NCAPD2: variants seen among roughly 807,000 people sequenced by gnomAD.
NCAPD2 encodes the protein condensin complex subunit 1.
Under a neutral mutation model 164.5 loss-of-function variants are expected in NCAPD2, and 100 were observed. The observed-to-expected ratio is 0.61, with a 90% CI of 0.52 to 0.72. NCAPD2 has a LOEUF of 0.72. Ranked by LOEUF, NCAPD2 falls within the 30% of genes least tolerant of loss-of-function variation. The probability of loss-of-function intolerance (pLI) is 0.00; values close to 1 mark genes in which losing one functional copy is unlikely to be tolerated. For missense variants in NCAPD2, 1,560 were observed against 1,749.2 expected, an observed-to-expected ratio of 0.89 and a Z score of 1.93; for synonymous variants, 585 against 642.6, an observed-to-expected ratio of 0.91 and a Z score of 1.36.
At chr12:6,507,468 GAAAGCACACCTGAAC>G (rs1292799598) in intron 2 of NCAPD2, among the ~76,000 whole-genome samples, 1 of 152,248 alleles carries the variant, frequency 6.6e-6, no homozygotes, top group African/African-American at 2.4e-5. Context: ...CAGTCGCCGT[GAAAGCACACCTGAAC>G]AAAGGGGCAC....
rs566626473 is a variant in NCAPD2, at chr12:6,506,683, C to T, written c.128-3034C>T. Among the ~76,000 whole-genome samples, 19 of 151,646 alleles carry T rather than the reference C, an allele frequency of 1.3e-4. 1 individual carries two copies. The South Asian group carries it at 1.7e-3, about 13-fold the overall frequency. ...TTTTATGCGTTCATGACATATGTAGCTTTAAAAAAAAATTAGCCAGATATG... is the reference window on the plus strand; with the variant it reads ...TTTTATGCGTTCATGACATATGTAGTTTTAAAAAAAAATTAGCCAGATATG... On this transcript the variant is annotated intron_variant, in intron 2 of 31. Transcript: ENST00000315579.
rs1946318266 is a variant in NCAPD2 at position 6,526,376 on chromosome 12, G to A, written c.2566+5G>A. The A allele has an allele frequency of 3.7e-6, 6 of 1,614,110 alleles. No individual in the cohort carries two copies. In the South Asian group the frequency reaches 5.5e-5, roughly 15 times the overall value. Reference sequence around the variant, plus strand: ...TGCGGGAGACAGTCACAAAAGGTGAGCTCTCAGGGAAGGCCTTGGGCAGAA... The same window carrying A: ...TGCGGGAGACAGTCACAAAAGGTGAACTCTCAGGGAAGGCCTTGGGCAGAA... On this transcript the variant is annotated splice_donor_5th_base_variant and intron_variant, in intron 20 of 31. Coordinates refer to ENST00000315579, the MANE Select transcript of NCAPD2 (RefSeq NM_014865.4).
intron 16 of NCAPD2, 23 bp from the exon 17 acceptor site, chr12:6,523,239 G>T (rs546616340): frequency 2.5e-6 from 4 of 1,607,468 alleles, no homozygotes; most frequent in Admixed American, 1.7e-5. Flanking sequence ...TATAGTGACC[G>T]CTGATCTCTG....
chr12:6,517,551 G>A, intron 11 of NCAPD2, 45 bp from the exon 12 acceptor site: 1 of 1,614,220 alleles, frequency 6.2e-7, no homozygotes, highest in Non-Finnish European at 8.5e-7. Flanking sequence ...AAACAGGGAT[G>A]AAATTATGTC....
At chr12:6,511,333 T>C in intron 6 of NCAPD2, 81 bp downstream of exon 6, 1 of 1,511,310 alleles carries the variant, frequency 6.6e-7, no homozygotes, top group Non-Finnish European at 8.9e-7. Context: ...TTTTTGGTTT[T>C]GTTTTTTTTT....
Position 6,522,880 on chromosome 12 carries a change from C to T in NCAPD2, c.2007C>T (p.Pro669=). Residue 669 remains proline, a synonymous_variant, in exon 16 of 32, where the codon CCC becomes CCT. Coordinates refer to ENST00000315579, the MANE Select transcript of NCAPD2 (RefSeq NM_014865.4). ...TGATGGTCTTCCAATTTGGGGTACC[C>T]CAGGCCCTGTTTGGGGTGCGCCGTA... ...FFVMVFQFGV[P]QALFGVRRML... 1 of 1,614,080 alleles carries T rather than the reference C, an allele frequency of 6.2e-7. No homozygotes were observed. The highest frequency in any genetic ancestry group is 1.1e-5 in the South Asian group (1 of 91,072).
In NCAPD2 at chr12:6,531,512, A is replaced by T. The variant is rs566964196; in HGVS notation, c.*100A>T. 1,358 of 889,442 alleles carry T rather than the reference A, an allele frequency of 1.5e-3. 1 individual carries two copies. The highest frequency in any genetic ancestry group is 5.4e-3 in the Middle Eastern group (14 of 2,580). 55.1% of individuals were successfully genotyped at this position (889,442 alleles called of 1,614,324 possible). A position where few individuals can be genotyped will look rare whatever the true frequency, so the allele number is the denominator to read the frequency against. On this transcript the variant is annotated 3_prime_UTR_variant, in exon 32 of 32. Coordinates refer to ENST00000315579, the MANE Select transcript of NCAPD2 (RefSeq NM_014865.4). The surrounding 1 kb of genome is among the most constrained non-coding windows in gnomAD (Gnocchi z 4.1). ...AAATATTTGTCTGTCTCTTTTTTTT[A>T]AAAAAAAAAAAGGCCGGGCACTGTG...
chr12:6,529,834 G>T lies in NCAPD2; in HGVS notation c.3713G>T (p.Arg1238Leu), dbSNP rs760601566. The change falls in exon 29 of 32, where the codon CGA becomes CTA. Residue 1238 changes from arginine to leucine, a missense_variant. Coordinates refer to ENST00000315579, the MANE Select transcript of NCAPD2 (RefSeq NM_014865.4). ...YCVSQLPLTERGLRKMLDNFD... is the reference protein window; with the variant it reads ...YCVSQLPLTELGLRKMLDNFD... ...GTGTCACAGCTGCCCCTCACAGAGC[G>T]AGGCCTCCGTAAGATGCTTGACAAT... is the stretch of plus-strand genomic sequence containing the variant. The T allele has an allele frequency of 1.7e-5, 28 of 1,614,226 alleles. No individual in the cohort carries two copies. The highest frequency in any genetic ancestry group is 2.4e-5 in the Non-Finnish European group (28 of 1,180,024).
At position 6,526,188 on chromosome 12, in the gene NCAPD2, G is replaced by C; in HGVS notation, c.2469G>C (p.Ser823=). The part of the protein sequence containing the change: ...QQVCHAIANI[S]DRRKPSLGKR... ...TGTGCCATGCCATTGCCAACATCTC[G>C]GACAGGAGAAAGGTATGTGGGGGTG... The change falls in exon 19 of 32, where the codon TCG becomes TCC. Residue 823 remains serine (S), a synonymous_variant. Coordinates refer to ENST00000315579, the MANE Select transcript of NCAPD2 (RefSeq NM_014865.4). The C allele has an allele frequency of 1.9e-6, 3 of 1,614,156 alleles. No homozygotes were observed. Among genetic ancestry groups the C allele is most frequent in the Non-Finnish European group, 2.5e-6 (3 of 1,180,028 alleles).
intron 2 of NCAPD2, among the ~76,000 whole-genome samples, chr12:6,496,447 A>T (rs1945985460): frequency 6.6e-6 from 1 of 152,096 alleles, no homozygotes; most frequent in Admixed American, 6.6e-5. Context: ...TTTGAAAGAC[A>T]AGGTAAAGAC....
rs201272523 is a variant in NCAPD2, at chr12:6,531,430, T to A, written c.*18T>A. 2.5e-6 allele frequency: 4 copies of A among 1,612,486 alleles called. No individual in the cohort carries two copies. The East Asian group carries it at 8.9e-5, about 36-fold the overall frequency. ...GATCCTAGGAAGTCTGTTCCTGTCC[T>A]CCCTGTGCAGGGTATCCTGTAGGGT... On this transcript the variant is annotated 3_prime_UTR_variant, in exon 32 of 32. Coordinates refer to ENST00000315579, the MANE Select transcript of NCAPD2 (RefSeq NM_014865.4). This position sits in a 1 kb window ranked among gnomAD's most constrained non-coding sequence, Gnocchi z 4.1.
At chr12:6,509,264 A>T (rs1018082164) in intron 2 of NCAPD2, among the ~76,000 whole-genome samples, 33 of 150,958 alleles carry the variant, frequency 2.2e-4, no homozygotes, top group Middle Eastern at 3.4e-3. Flanking sequence ...ATTTTATTTT[A>T]TTTTTTTTTG....
chr12:6,521,875 A>C lies in NCAPD2; in HGVS notation c.1792A>C (p.Asn598His), dbSNP rs1217973438. ...GGTCACAGGACAGACTGTCTGTAAA[A>C]ATAAACCCAATATGTCGGATCCTGA... ...NMVTGQTVCK[N>H]KPNMSDPEES... Residue 598 changes from asparagine (N) to histidine (H), a missense_variant, in exon 15 of 32, where the codon AAT (asparagine) becomes CAT (histidine). By Grantham distance (68) the Asn-to-His change is moderately conservative. Transcript: ENST00000315579. The C allele has an allele frequency of 3.7e-6, 6 of 1,614,046 alleles. No individual in the cohort carries two copies. The highest frequency in any genetic ancestry group is 5.1e-6 in the Non-Finnish European group (6 of 1,180,044).
rs776884151 is a variant in NCAPD2 at position 6,521,830 on chromosome 12, C to G, written c.1747C>G (p.Arg583Gly). Residue 583 changes from arginine to glycine, a missense_variant, in exon 15 of 32, where the codon CGG becomes GGG. Physicochemically the swap from Arg to Gly is moderately radical, Grantham distance 125. Coordinates refer to ENST00000315579, the MANE Select transcript of NCAPD2 (RefSeq NM_014865.4). ...PAASTQEKNP[R>G]ESTGNMVTGQ... ...AGCTTCCACACAAGAAAAGAATCCC[C>G]GGGAGTCTACAGGAAACATGGTCAC... 5 of 1,613,910 alleles carry G rather than the reference C, an allele frequency of 3.1e-6. No homozygotes were observed. The South Asian group carries it at 4.4e-5, about 14-fold the overall frequency.
At chr12:6,525,981 G>A in intron 18 of NCAPD2, 87 bp from the exon 19 acceptor site, 1 of 1,518,408 alleles carries the variant, frequency 6.6e-7, no homozygotes, top group Middle Eastern at 1.8e-4. Context: ...CACCACATGA[G>A]GTGCTGGTAC....
chr12:6,505,159 C>T (rs1490237138), intron 2 of NCAPD2, among the ~76,000 whole-genome samples: 2 of 152,108 alleles, frequency 1.3e-5, no homozygotes, highest in Non-Finnish European at 2.9e-5. Context: ...TCCGCCTCCC[C>T]GGGTTCAAGC....
chr12:6,517,323 A>G, intron 10 of NCAPD2, 42 bp from the exon 11 acceptor site: 1 of 1,601,948 alleles, frequency 6.2e-7, no homozygotes, highest in Non-Finnish European at 8.5e-7. Flanking sequence ...AAAATGGATG[A>G]TGTGGGACTT....
chr12:6,502,614 T>TA (rs1360011238), intron 2 of NCAPD2, among the ~76,000 whole-genome samples: 6 of 152,012 alleles, frequency 3.9e-5, no homozygotes, highest in African/African-American at 1.4e-4. Context: ...TGGAATAAGT[T>TA]ACAAGTATCA....
intron 6 of NCAPD2, among the ~76,000 whole-genome samples, chr12:6,513,715 C>CTTTTTTGTTTTTTTTTTTTTTTT (rs1946171982): frequency 1.3e-5 from 1 of 74,894 alleles, no homozygotes; most frequent in Non-Finnish European, 2.5e-5. Context: ...GTGACTTTGT[C>CTTTTTTGTTTTTTTTTTTTTTTT]TTTTTTTTTT....
Sources: gnomAD v4.1 joint callset for allele counts (sites outside exome capture counted in the v4.1 genomes callset) on GRCh38, gnomAD v4.1.1 for gene constraint, Gnocchi (gnomAD v3.1) non-coding constraint, MANE v1.5 for transcripts, NCBI Gene and HGNC (gene_info 2026-07-23, HGNC 2026-07-21) for gene names.